LUZP2: variants seen among roughly 807,000 people sequenced by gnomAD.
LUZP2 encodes the protein leucine zipper protein 2.
A neutral mutation model predicts 51.6 loss-of-function variants in LUZP2; 52 were observed. The observed-to-expected ratio is 1.01, with a 90% CI of 0.81 to 1.27. The LOEUF (loss-of-function observed/expected upper bound fraction) is 1.27. Ranked by LOEUF, LUZP2 falls within the 50% of genes most tolerant of loss-of-function variation. The pLI is 0.00. For missense variants in LUZP2, 436 were observed against 395.4 expected (o/e 1.10, Z -0.87); for synonymous variants, 154 against 137.3 (o/e 1.12, Z -0.85).
intron 5 of LUZP2, among the ~76,000 whole-genome samples, chr11:24,848,235 G>A (rs547279617): frequency 5.3e-5 from 8 of 152,006 alleles, no homozygotes; most frequent in South Asian, 2.1e-4. Context: ...AAAACATAAC[G>A]CTTTCACACT....
chr11:24,515,799 G>A (rs996962663), intron 1 of LUZP2, among the ~76,000 whole-genome samples: 5 of 152,202 alleles, frequency 3.3e-5, no homozygotes, highest in African/African-American at 1.2e-4. Flanking sequence ...AGCAGGCTCT[G>A]TGCATCAGGG....
At chr11:25,001,430 T>C (rs1047835470) in intron 9 of LUZP2, among the ~76,000 whole-genome samples, 1 of 152,168 alleles carries the variant, frequency 6.6e-6, no homozygotes, top group African/African-American at 2.4e-5. Context: ...CCTAGATTTG[T>C]CAGACCTTTG....
chr11:24,709,106 T>G (rs1857724402), intron 1 of LUZP2, among the ~76,000 whole-genome samples: 1 of 152,202 alleles, frequency 6.6e-6, no homozygotes, highest in African/African-American at 2.4e-5. Context: ...TCTTTATCTC[T>G]ATTTGTGATA....
intron 1 of LUZP2, among the ~76,000 whole-genome samples, chr11:24,552,268 G>T (rs909230720): frequency 1.3e-5 from 2 of 151,948 alleles, no homozygotes; most frequent in African/African-American, 4.8e-5. Context: ...TGTCATGTAA[G>T]TATATGTCAT....
chr11:24,575,717 T>C (rs1852622017), intron 1 of LUZP2, among the ~76,000 whole-genome samples: 1 of 152,216 alleles, frequency 6.6e-6, no homozygotes, highest in African/African-American at 2.4e-5. Flanking sequence ...ACGTAGTTTT[T>C]TAATATGAGA....
intron 5 of LUZP2, among the ~76,000 whole-genome samples, chr11:24,882,559 T>G (rs1852506117): frequency 6.6e-6 from 1 of 152,068 alleles, no homozygotes; most frequent in South Asian, 2.1e-4. Context: ...CATTGTAGTA[T>G]TATACAGAGT....
intron 5 of LUZP2, among the ~76,000 whole-genome samples, chr11:24,779,960 G>A (rs1267900914): frequency 6.6e-6 from 1 of 152,140 alleles, no homozygotes; most frequent in Non-Finnish European, 1.5e-5. Context: ...TGAGAAAGTG[G>A]AAGAGGCAAG....
At chr11:24,706,107 A>T (rs1040659717) in intron 1 of LUZP2, among the ~76,000 whole-genome samples, 1 of 152,148 alleles carries the variant, frequency 6.6e-6, no homozygotes, top group Non-Finnish European at 1.5e-5. Context: ...TCCCATATCA[A>T]GGAAGGAATA....
At chr11:24,755,686 T>C (rs1166788470) in intron 4 of LUZP2, among the ~76,000 whole-genome samples, 2 of 152,128 alleles carry the variant, frequency 1.3e-5, no homozygotes, top group Admixed American at 1.3e-4. Flanking sequence ...CTCTTTCTTT[T>C]GGATTTTAGA....
intron 1 of LUZP2, among the ~76,000 whole-genome samples, chr11:24,713,683 G>GT (rs374748977): frequency 0.78 from 70,187 of 89,620 alleles, 29,361 homozygotes; most frequent in Non-Finnish European, 0.88. Context: ...GTGAGAATCT[G>GT]TTTTTTTTTT....
chr11:24,759,696 C>T (rs1859912060), intron 4 of LUZP2, among the ~76,000 whole-genome samples: 1 of 152,018 alleles, frequency 6.6e-6, no homozygotes, highest in African/African-American at 2.4e-5. Context: ...CTGTACAAAG[C>T]AAAATTTTCT....
intron 1 of LUZP2, among the ~76,000 whole-genome samples, chr11:24,661,867 G>C (rs1014631784): frequency 3.6e-4 from 54 of 152,082 alleles, no homozygotes; most frequent in African/African-American, 1.3e-3. Context: ...TAATGCTCTT[G>C]AGAGAAAGAG....
rs951589419 is a variant in LUZP2 at position 24,770,483 on chromosome 11, T to A, written c.396+7175T>A. Among the ~76,000 whole-genome samples, 53 of 152,206 alleles carry A rather than the reference T, an allele frequency of 3.5e-4. 1 individual carries two copies. The highest frequency in any genetic ancestry group is 1.3e-3 in the African/African-American group (53 of 41,464). ...AGTTATCTTTCTCATCTGTTTGTTA[T>A]ATGGACCATATAGTTTACTACAATT... On this transcript the variant is annotated intron_variant, in intron 5 of 11. Transcript: ENST00000336930.
At chr11:25,022,385 A>G (rs1857362513) in intron 9 of LUZP2, among the ~76,000 whole-genome samples, 1 of 152,068 alleles carries the variant, frequency 6.6e-6, no homozygotes, top group South Asian at 2.1e-4. Flanking sequence ...GTAGTTTGTG[A>G]AAAAATAAAC....
intron 1 of LUZP2, among the ~76,000 whole-genome samples, chr11:24,603,663 G>C (rs1186739912): frequency 1.4e-5 from 2 of 143,752 alleles, no homozygotes; most frequent in Non-Finnish European, 3.2e-5. Context: ...TTGTTGTTCT[G>C]TGTCTACACT....
intron 4 of LUZP2, among the ~76,000 whole-genome samples, chr11:24,757,690 G>A (rs1166268109): frequency 1.3e-5 from 2 of 151,732 alleles, no homozygotes; most frequent in Non-Finnish European, 2.9e-5. Flanking sequence ...AAGAAAAAAG[G>A]TTATGATAAA....
chr11:25,024,904 G>A (rs1857441656), intron 9 of LUZP2, among the ~76,000 whole-genome samples: 1 of 149,986 alleles, frequency 6.7e-6, no homozygotes, highest in African/African-American at 2.5e-5. Context: ...TATACTACAA[G>A]GCTACAATAA....
intron 1 of LUZP2, among the ~76,000 whole-genome samples, chr11:24,630,195 T>C (rs1409862500): frequency 6.6e-6 from 1 of 152,044 alleles, no homozygotes; most frequent in Non-Finnish European, 1.5e-5. Context: ...TTTAGTGGAA[T>C]TAAGTCTCAC....
chr11:24,606,238 T>C (rs1021990739), intron 1 of LUZP2, among the ~76,000 whole-genome samples: 3 of 151,948 alleles, frequency 2.0e-5, no homozygotes, highest in African/African-American at 7.2e-5. Flanking sequence ...GACTTTATGA[T>C]ACTGCAAAAG....
Sources: gnomAD v4.1 joint callset for allele counts (sites outside exome capture counted in the v4.1 genomes callset) on GRCh38, gnomAD v4.1.1 for gene constraint, MANE v1.5 for transcripts, NCBI Gene and HGNC (gene_info 2026-07-23, HGNC 2026-07-21) for gene names.